GPATCH2: variants seen among roughly 807,000 people sequenced by gnomAD.
The protein encoded by GPATCH2 is G patch domain-containing protein 2.
GPATCH2 carries 51 observed loss-of-function variants against 58.0 expected under a neutral mutation model. That is an observed-to-expected ratio of 0.88 (90% CI 0.70 to 1.11). GPATCH2 has a LOEUF of 1.11. GPATCH2 is among the 50% of genes most tolerant of loss of function. The probability of loss-of-function intolerance (pLI) is 0.00; values close to 1 mark genes in which losing one functional copy is unlikely to be tolerated. For synonymous variants in GPATCH2, 222 were observed against 218.5 expected, an observed-to-expected ratio of 1.02 and a Z score of -0.14; for missense variants, 625 against 652.2, an observed-to-expected ratio of 0.96 and a Z score of 0.45.
chr1:217,567,196 G>A (rs547629003), intron 5 of GPATCH2, among the ~76,000 whole-genome samples: 3 of 152,110 alleles, frequency 2.0e-5, no homozygotes, highest in South Asian at 2.1e-4. Context: ...ACAGGCATGC[G>A]CCACCTCACC....
intron 5 of GPATCH2, among the ~76,000 whole-genome samples, chr1:217,591,805 C>T (rs1054025725): frequency 1.3e-5 from 2 of 151,880 alleles, no homozygotes; most frequent in Non-Finnish European, 2.9e-5. Context: ...TTTAGTTTAT[C>T]ATTTTTTATT....
chr1:217,579,107 T>C (rs1666940005), intron 5 of GPATCH2, among the ~76,000 whole-genome samples: 1 of 152,246 alleles, frequency 6.6e-6, no homozygotes, highest in Non-Finnish European at 1.5e-5. Context: ...CTTTGCAGTA[T>C]GATTTTTTAA....
intron 5 of GPATCH2, among the ~76,000 whole-genome samples, chr1:217,601,820 C>T (rs1417655401): frequency 1.3e-5 from 2 of 152,112 alleles, no homozygotes; most frequent in Admixed American, 6.6e-5. Context: ...TCCTTATTCT[C>T]CTCCCAACCT....
chr1:217,603,241 G>C (rs1465568018), intron 5 of GPATCH2, among the ~76,000 whole-genome samples: 2 of 152,062 alleles, frequency 1.3e-5, no homozygotes, highest in Admixed American at 6.6e-5. Flanking sequence ...TAAGTTATCA[G>C]AGAAGCAAGA....
intron 5 of GPATCH2, among the ~76,000 whole-genome samples, chr1:217,534,895 C>T (rs1259380972): frequency 6.6e-6 from 1 of 152,226 alleles, no homozygotes; most frequent in Non-Finnish European, 1.5e-5. Flanking sequence ...TTAAGTCATA[C>T]TGTCTTGTTC....
At chr1:217,494,005 A>G (rs1661881845) in intron 7 of GPATCH2, among the ~76,000 whole-genome samples, 1 of 152,326 alleles carries the variant, frequency 6.6e-6, no homozygotes, top group African/African-American at 2.4e-5. Context: ...AAATGCAATT[A>G]TAAGGACCAA....
chr1:217,455,194 G>C (rs1029094252), intron 8 of GPATCH2, among the ~76,000 whole-genome samples: 1 of 152,040 alleles, frequency 6.6e-6, no homozygotes, highest in Admixed American at 6.6e-5. Context: ...CTTTATTCTA[G>C]ACTTACCCTA....
intron 5 of GPATCH2, among the ~76,000 whole-genome samples, chr1:217,598,792 G>T (rs1043438040): frequency 2.6e-5 from 4 of 152,324 alleles, no homozygotes; most frequent in Admixed American, 2.6e-4. Context: ...CATACAATGT[G>T]CTAATAGCTC....
At chr1:217,521,970 C>T (rs1483661716) in intron 5 of GPATCH2, among the ~76,000 whole-genome samples, 2 of 151,998 alleles carry the variant, frequency 1.3e-5, no homozygotes, top group African/African-American at 4.8e-5. Flanking sequence ...AGTTTCGAAG[C>T]GATCTCACTA....
At position 217,433,065 on chromosome 1, in the gene GPATCH2, T is replaced by C. The variant is rs145518229; in HGVS notation, c.1367-1700A>G. Among the ~76,000 whole-genome samples the C allele has an allele frequency of 1.1e-3, 160 of 152,222 alleles. 1 individual carries two copies. Among genetic ancestry groups the C allele is most frequent in the African/African-American group, 3.5e-3 (146 of 41,524 alleles). On this transcript the variant is annotated intron_variant, in intron 9 of 9. Transcript: ENST00000366935. ...TTCATGAGTCTCTTTAGCACCAATC[T>C]ACACCTCACCCTGCCCCTATCCCTT...
chr1:217,510,711 T>C (rs1476016222), intron 6 of GPATCH2, among the ~76,000 whole-genome samples: 2 of 152,162 alleles, frequency 1.3e-5, no homozygotes, highest in Non-Finnish European at 2.9e-5. Flanking sequence ...CATTTGATTA[T>C]TTAAACACTT....
intron 5 of GPATCH2, among the ~76,000 whole-genome samples, chr1:217,580,782 G>A (rs1667041693): frequency 5.1e-5 from 2 of 39,158 alleles, no homozygotes; most frequent in Admixed American, 7.1e-4. Flanking sequence ...GCCGAGGCGG[G>A]TGGATCATGA....
rs531509882 is a variant in GPATCH2, at chr1:217,626,229, A to C, written c.56+4687T>G. Among the ~76,000 whole-genome samples, 7 of 152,328 alleles carry C rather than the reference A, an allele frequency of 4.6e-5. No homozygotes were observed. In the South Asian group the frequency reaches 1.4e-3, roughly 32 times the overall value. ...TTACAAAAATGTAAGGGAATAAATAATCATTAATGTATTAGTTTCTGTATA... is the reference window on the plus strand; with the variant it reads ...TTACAAAAATGTAAGGGAATAAATACTCATTAATGTATTAGTTTCTGTATA... On this transcript the variant is annotated intron_variant, in intron 1 of 9. Transcript: ENST00000366935.
chr1:217,535,821 G>T (rs1044041981), intron 5 of GPATCH2, among the ~76,000 whole-genome samples: 2 of 152,176 alleles, frequency 1.3e-5, no homozygotes, highest in African/African-American at 4.8e-5. Context: ...AAACCCTCAT[G>T]AGCAGCATAC....
chr1:217,435,979 A>G (rs1658808069), intron 9 of GPATCH2, among the ~76,000 whole-genome samples: 1 of 152,216 alleles, frequency 6.6e-6, no homozygotes, highest in Admixed American at 6.5e-5. Flanking sequence ...AAGTGCATAA[A>G]TATATGATGC....
At chr1:217,564,263 G>GT (rs1400173351) in intron 5 of GPATCH2, among the ~76,000 whole-genome samples, 1 of 152,110 alleles carries the variant, frequency 6.6e-6, no homozygotes, top group Admixed American at 6.5e-5. Context: ...TATATAATCA[G>GT]TTGTCACCTT....
intron 5 of GPATCH2, among the ~76,000 whole-genome samples, chr1:217,553,999 A>G (rs563877059): frequency 4.6e-5 from 7 of 152,286 alleles, no homozygotes; most frequent in African/African-American, 1.7e-4. Flanking sequence ...AATCCCATTT[A>G]CTTTCGTCCA....
chr1:217,591,534 G>A (rs1051052194), intron 5 of GPATCH2, among the ~76,000 whole-genome samples: 3 of 152,044 alleles, frequency 2.0e-5, no homozygotes, highest in Non-Finnish European at 4.4e-5. Context: ...TATTATGTGA[G>A]TTACTTATTC....
intron 7 of GPATCH2, among the ~76,000 whole-genome samples, chr1:217,496,317 T>C (rs1424766251): frequency 6.6e-6 from 1 of 152,216 alleles, no homozygotes. Context: ...GCCAGAGTGG[T>C]AAAAATCTGA....
Sources: allele counts gnomAD v4.1 joint callset (sites outside exome capture counted in the v4.1 genomes callset), GRCh38; gene constraint gnomAD v4.1.1; transcripts MANE v1.5; gene names NCBI Gene and HGNC (gene_info 2026-07-23, HGNC 2026-07-21).